The following NAV1 variants were observed in gnomAD, a reference collection of about 807,000 sequenced individuals.
The protein encoded by NAV1 is pore membrane and/or filament interacting like protein 3.
A neutral mutation model predicts 175.2 loss-of-function variants in NAV1; 18 were observed. The observed-to-expected ratio is 0.10, with a 90% confidence interval of 0.07 to 0.15. The LOEUF (loss-of-function observed/expected upper bound fraction) is 0.15, where lower values mean the gene tolerates loss of function less well. Among genes scored for constraint, NAV1 ranks in the 10% least tolerant of loss-of-function variants. NAV1 has a pLI of 1.00. For missense variants in NAV1, 1,731 were observed against 2,436.6 expected, an observed-to-expected ratio of 0.71 and a Z score of 6.10; for synonymous variants, 897 against 978.7, an observed-to-expected ratio of 0.92 and a Z score of 1.56.
chr1:201,731,107 G>A (rs1672840769), intron 3 of NAV1, among the ~76,000 whole-genome samples: 2 of 152,102 alleles, frequency 1.3e-5, no homozygotes, highest in South Asian at 2.1e-4. Flanking sequence ...GAGGCAGATC[G>A]ACACTCACTG....
intron 2 of NAV1, among the ~76,000 whole-genome samples, chr1:201,717,659 C>T (rs1672191973): frequency 6.6e-6 from 1 of 152,244 alleles, no homozygotes. Context: ...GTGTCCTCTC[C>T]TTTGTCCAGT....
chr1:201,760,789 C>T (rs370449605), intron 3 of NAV1, among the ~76,000 whole-genome samples: 1 of 152,112 alleles, frequency 6.6e-6, no homozygotes. Context: ...ATAACTTGCC[C>T]GTATCCTGAA....
intron 1 of NAV1, among the ~76,000 whole-genome samples, chr1:201,549,079 CTTTCTTTCTTT>C (rs1665753043): frequency 4.0e-5 from 1 of 25,316 alleles, no homozygotes; most frequent in Non-Finnish European, 1.1e-4. Context: ...CTAGTTTTCT[CTTTCTTTCTTT>C]CTTTCTTTCT....
chr1:201,611,331 G>A (rs895328433), intron 2 of NAV1, among the ~76,000 whole-genome samples: 4 of 152,140 alleles, frequency 2.6e-5, no homozygotes, highest in African/African-American at 7.2e-5. Context: ...TTTACTATGC[G>A]CTCCCCACCA....
chr1:201,650,266 C>G (rs1263755731), intron 1 of NAV1, among the ~76,000 whole-genome samples: 1 of 152,166 alleles, frequency 6.6e-6, no homozygotes, highest in Non-Finnish European at 1.5e-5. Context: ...GCAAAAAAAC[C>G]CGAAGCGGGC....
chr1:201,648,772 C>G, exon 1 of NAV1: 1 of 1,409,178 alleles, frequency 7.1e-7, no homozygotes, highest in Non-Finnish European at 9.2e-7. Context: ...AGGAAGGCGG[C>G]AGCGGCGGAC....
chr1:201,578,115 A>G (rs1666745562), intron 1 of NAV1, among the ~76,000 whole-genome samples: 1 of 152,176 alleles, frequency 6.6e-6, no homozygotes, highest in Admixed American at 6.5e-5. Flanking sequence ...CAGAACTTCA[A>G]TAACACGAAA....
intron 1 of NAV1, among the ~76,000 whole-genome samples, chr1:201,689,069 G>A (rs532681589): frequency 6.6e-6 from 1 of 152,264 alleles, no homozygotes; most frequent in Admixed American, 6.5e-5. Flanking sequence ...GTTAATCCCA[G>A]CACACACCCT....
At chr1:201,632,434 C>G (rs1225350702) in intron 2 of NAV1, among the ~76,000 whole-genome samples, 2 of 152,364 alleles carry the variant, frequency 1.3e-5, no homozygotes, top group East Asian at 3.9e-4. Flanking sequence ...GACAGCCCAG[C>G]ACTGGTCCCA....
chr1:201,795,115 G>C (rs1334814204), intron 15 of NAV1: 1 of 153,236 alleles, frequency 6.5e-6, no homozygotes, highest in Non-Finnish European at 1.5e-5. Context: ...AGGTCTTCAA[G>C]ATACCTTGGC....
chr1:201,795,971 C>T (rs1416219259), intron 15 of NAV1: 1 of 152,144 alleles, frequency 6.6e-6, no homozygotes, highest in Non-Finnish European at 1.5e-5. Flanking sequence ...GTTTTTAAGA[C>T]TCATCCATGT....
exon 30 of NAV1, chr1:201,826,345 C>A (rs2102859328): frequency 6.6e-6 from 1 of 152,338 alleles, no homozygotes; most frequent in East Asian, 1.9e-4. Flanking sequence ...GCAGAGCTAC[C>A]ATATCGCAGC....
chr1:201,684,826 G>T (rs1461282449), intron 1 of NAV1, among the ~76,000 whole-genome samples: 1 of 151,628 alleles, frequency 6.6e-6, no homozygotes, highest in African/African-American at 2.4e-5. Flanking sequence ...AGCTGGGTGT[G>T]GTGGCGAGCG....
rs1475731238 is a variant in NAV1, at chr1:201,740,194, G to A, written c.1226+21439G>A. On this transcript the variant is annotated intron_variant, in intron 3 of 29. Coordinates refer to ENST00000367296, the Ensembl canonical transcript of NAV1. This position sits in a 1 kb window ranked among gnomAD's most constrained non-coding sequence, Gnocchi z 4.7. ...CGCCGCAGCTGCAGTCTCAGGGGCA[G>A]TGGGTGTGGGGTCCGCAAGAAGGAG... 4 of 844,324 alleles carry A rather than the reference G, an allele frequency of 4.7e-6. No homozygotes were observed. The highest frequency in any genetic ancestry group is 3.5e-6 in the Non-Finnish European group (2 of 568,216). 52.3% of individuals were successfully genotyped at this position (844,324 alleles called of 1,614,324 possible). A position where few individuals can be genotyped will look rare whatever the true frequency, so the allele number is the denominator to read the frequency against.
exon 1 of NAV1, chr1:201,623,276 A>T (rs1418646672): frequency 2.0e-6 from 2 of 985,970 alleles, no homozygotes; most frequent in Non-Finnish European, 2.4e-6. Context: ...GGAAAGAAGA[A>T]AAAAGCCCAG....
upstream of NAV1, among the ~76,000 whole-genome samples, chr1:201,618,348 C>T (rs1031004188): frequency 1.3e-5 from 2 of 152,190 alleles, no homozygotes; most frequent in Non-Finnish European, 2.9e-5. Flanking sequence ...CCTACAGTAC[C>T]ACCGAAGGCA....
intron 1 of NAV1, among the ~76,000 whole-genome samples, chr1:201,569,770 C>T (rs766956705): frequency 2.6e-5 from 4 of 152,162 alleles, no homozygotes; most frequent in South Asian, 2.1e-4. Context: ...TCGCAGTATC[C>T]GCTGGTCCAG....
At chr1:201,561,804 A>G (rs1352857992) in intron 1 of NAV1, among the ~76,000 whole-genome samples, 1 of 152,146 alleles carries the variant, frequency 6.6e-6, no homozygotes, top group Admixed American at 6.6e-5. Flanking sequence ...TGCCTTGCCC[A>G]TCAGCCTGGG....
intron 3 of NAV1, among the ~76,000 whole-genome samples, chr1:201,721,881 C>T (rs547745736): frequency 2.0e-5 from 3 of 152,274 alleles, no homozygotes; most frequent in African/African-American, 7.2e-5. Flanking sequence ...ATCCCTTTGA[C>T]GGCTCTTCCC....
Sources: gnomAD v4.1 joint callset for allele counts (sites outside exome capture counted in the v4.1 genomes callset) on GRCh38, gnomAD v4.1.1 for gene constraint, Gnocchi (gnomAD v3.1) non-coding constraint, MANE v1.5 for transcripts, NCBI Gene and HGNC (gene_info 2026-07-23, HGNC 2026-07-21) for gene names.